The following TTC28 variants were observed in gnomAD, a reference collection of about 807,000 sequenced individuals.
The protein encoded by TTC28 is tetratricopeptide repeat domain 28.
TTC28 carries 61 observed loss-of-function variants against 198.0 expected under a neutral mutation model. That is an observed-to-expected ratio of 0.31 (90% confidence interval 0.25 to 0.38). The LOEUF (loss-of-function observed/expected upper bound fraction) is 0.38, where lower values mean the gene tolerates loss of function less well. TTC28 is among the 10% of genes least tolerant of loss of function. The pLI is 1.00. For synonymous variants in TTC28, 1,171 were observed against 1,297.8 expected (o/e 0.90, Z 2.10); for missense variants, 2,678 against 3,164.0 (o/e 0.85, Z 3.69).
At chr22:28,065,318 C>T (rs1940709240) in intron 12 of TTC28, among the ~76,000 whole-genome samples, 1 of 152,236 alleles carries the variant, frequency 6.6e-6, no homozygotes, top group Admixed American at 6.5e-5. Context: ...TACTCTGCCA[C>T]AGTTCACAGT....
intron 11 of TTC28, 42 bp from the exon 12 acceptor site, chr22:28,094,287 G>T (rs768225934): frequency 2.6e-5 from 38 of 1,477,842 alleles, no homozygotes; most frequent in Non-Finnish European, 3.2e-5. Flanking sequence ...CACAATTAGG[G>T]TCAGAGAAAG....
intron 7 of TTC28, among the ~76,000 whole-genome samples, chr22:28,106,278 G>A (rs988867999): frequency 6.6e-6 from 1 of 152,080 alleles, no homozygotes; most frequent in South Asian, 2.1e-4. Context: ...TCTCTGGTGG[G>A]GCCATATATC....
intron 2 of TTC28, among the ~76,000 whole-genome samples, chr22:28,595,229 A>G (rs999605487): frequency 6.6e-6 from 1 of 152,202 alleles, no homozygotes; most frequent in African/African-American, 2.4e-5. Flanking sequence ...ATTAATCTTT[A>G]CAACATTCTT....
chr22:28,266,179 CAA>C (rs3885490), intron 5 of TTC28, among the ~76,000 whole-genome samples: 13 of 115,308 alleles, frequency 1.1e-4, no homozygotes, highest in East Asian at 2.5e-4. Flanking sequence ...GACTCTGTCT[CAA>C]AAAAAAAAAA....
intron 2 of TTC28, among the ~76,000 whole-genome samples, chr22:28,481,347 C>T (rs5762656): frequency 0.26 from 39,794 of 152,006 alleles, 6,515 homozygotes; most frequent in South Asian, 0.37. Context: ...GCCTATAATA[C>T]GGAAACCATT....
intron 2 of TTC28, among the ~76,000 whole-genome samples, chr22:28,541,458 C>A (rs934699879): frequency 5.3e-5 from 8 of 152,178 alleles, no homozygotes; most frequent in Admixed American, 1.3e-4. Context: ...AAGAGTTCAA[C>A]AAGTATGCAA....
intron 5 of TTC28, among the ~76,000 whole-genome samples, chr22:28,278,139 T>C (rs949190281): frequency 1.3e-5 from 2 of 152,218 alleles, no homozygotes; most frequent in Admixed American, 1.3e-4. Flanking sequence ...ATATGCATTA[T>C]CAAGCAGAAG....
intron 3 of TTC28, among the ~76,000 whole-genome samples, chr22:28,304,573 C>G (rs146042280): frequency 6.6e-6 from 1 of 152,294 alleles, no homozygotes; most frequent in Non-Finnish European, 1.5e-5. Flanking sequence ...CCTTAGGTCA[C>G]TTACATAAGA....
At chr22:28,480,225 G>A (rs2048225763) in intron 2 of TTC28, among the ~76,000 whole-genome samples, 1 of 152,124 alleles carries the variant, frequency 6.6e-6, no homozygotes, top group South Asian at 2.1e-4. Context: ...ATGAGAGTTG[G>A]GGAAATTTTT....
chr22:28,333,273 G>A (rs546145213), intron 2 of TTC28, among the ~76,000 whole-genome samples: 6 of 151,988 alleles, frequency 3.9e-5, no homozygotes, highest in African/African-American at 1.2e-4. Context: ...AAACAAAAAG[G>A]GAGGTTAAGA....
At chr22:28,422,309 G>A (rs1269885460) in intron 2 of TTC28, among the ~76,000 whole-genome samples, 1 of 152,104 alleles carries the variant, frequency 6.6e-6, no homozygotes, top group Non-Finnish European at 1.5e-5. Context: ...TGTATGAATG[G>A]CTTTTTTGAA....
chr22:28,223,945 A>G (rs1343331811), intron 5 of TTC28, among the ~76,000 whole-genome samples: 2 of 152,224 alleles, frequency 1.3e-5, no homozygotes, highest in Non-Finnish European at 2.9e-5. Flanking sequence ...AACAGTTTAT[A>G]AAACACTTTA....
intron 5 of TTC28, among the ~76,000 whole-genome samples, chr22:28,220,324 C>G (rs1439254886): frequency 6.6e-6 from 1 of 151,988 alleles, no homozygotes; most frequent in African/African-American, 2.4e-5. Flanking sequence ...AAAATAACAC[C>G]CATTTATTAT....
At chr22:28,534,860 A>G (rs2049231692) in intron 2 of TTC28, among the ~76,000 whole-genome samples, 1 of 152,128 alleles carries the variant, frequency 6.6e-6, no homozygotes, top group South Asian at 2.1e-4. Flanking sequence ...GGAATTGAAC[A>G]ATGAGAACAC....
chr22:28,101,388 CAG>C, intron 8 of TTC28, 108 bp from the exon 9 acceptor site: 1 of 932,810 alleles, frequency 1.1e-6, no homozygotes, highest in East Asian at 2.7e-5. Flanking sequence ...TGTTTTGAGA[CAG>C]GGTCTCACTC....
rs1370032547 is a variant in TTC28, at chr22:27,982,163, A to C, written c.*58T>G. ...GGGACTGCACTCAGGGAAGGGCTGA[A>C]GCAAACGCCAGGCCCCCATCTGCAG... On this transcript the variant is annotated 3_prime_UTR_variant, in exon 23 of 23. Transcript: ENST00000397906. This position sits in a 1 kb window ranked among gnomAD's most constrained non-coding sequence, Gnocchi z 5.2. The C allele has an allele frequency of 3.5e-6, 5 of 1,444,234 alleles. No individual in the cohort carries two copies. Among genetic ancestry groups the C allele is most frequent in the Non-Finnish European group, 4.6e-6 (5 of 1,094,500 alleles). The allele number at this position is 1,444,234 out of a possible 1,614,324, so 89.5% of individuals were successfully genotyped here. A position where few individuals can be genotyped will look rare whatever the true frequency, so the allele number is the denominator to read the frequency against.
At chr22:28,636,979 G>A (rs1298427052) in intron 1 of TTC28, among the ~76,000 whole-genome samples, 1 of 149,350 alleles carries the variant, frequency 6.7e-6, no homozygotes, top group African/African-American at 2.5e-5. Context: ...TTTTCTTCTA[G>A]GAGTTTTAGA....
chr22:28,598,953 T>C (rs957279690), intron 2 of TTC28, among the ~76,000 whole-genome samples: 1 of 152,192 alleles, frequency 6.6e-6, no homozygotes, highest in Admixed American at 6.5e-5. Context: ...GTGAGTGAAA[T>C]GCTTGTTCAA....
At chr22:28,009,506 C>T (rs1019635841) in intron 14 of TTC28, among the ~76,000 whole-genome samples, 2 of 152,242 alleles carry the variant, frequency 1.3e-5, no homozygotes, top group Non-Finnish European at 2.9e-5. Flanking sequence ...TGTTATATCG[C>T]CCTCTTGTGG....
Sources: gnomAD v4.1 joint callset for allele counts (sites outside exome capture counted in the v4.1 genomes callset) on GRCh38, gnomAD v4.1.1 for gene constraint, Gnocchi (gnomAD v3.1) non-coding constraint, MANE v1.5 for transcripts, NCBI Gene and HGNC (gene_info 2026-07-23, HGNC 2026-07-21) for gene names.